Variants in FBXL17 observed in about 807,000 individuals in gnomAD.
The protein encoded by FBXL17 is F-box/LRR-repeat protein 17.
A neutral mutation model predicts 66.2 loss-of-function variants in FBXL17; 22 were observed. That is an observed-to-expected ratio of 0.33 (90% CI 0.24 to 0.47). The LOEUF (loss-of-function observed/expected upper bound fraction) is 0.47. Among genes scored for constraint, FBXL17 ranks in the 20% least tolerant of loss-of-function variants. FBXL17 has a pLI of 1.00. For missense variants in FBXL17, 878 were observed against 948.2 expected (o/e 0.93, Z 0.97); for synonymous variants, 474 against 400.5 (o/e 1.18, Z -2.19).
intron 4 of FBXL17, among the ~76,000 whole-genome samples, chr5:108,230,770 G>T (rs1445250959): frequency 3.5e-5 from 5 of 144,250 alleles, no homozygotes; most frequent in Non-Finnish European, 7.5e-5. Flanking sequence ...AAGAATGATA[G>T]AATGGACTTT....
intron 5 of FBXL17, among the ~76,000 whole-genome samples, chr5:108,212,254 C>T (rs1754408629): frequency 6.6e-6 from 1 of 152,156 alleles, no homozygotes; most frequent in African/African-American, 2.4e-5. Context: ...AGGTTCTTAG[C>T]TTCCTTGCAT....
intron 6 of FBXL17, among the ~76,000 whole-genome samples, chr5:108,089,587 T>C (rs1195961793): frequency 6.6e-6 from 1 of 152,168 alleles, no homozygotes; most frequent in Non-Finnish European, 1.5e-5. Flanking sequence ...AATTATAGGC[T>C]TTCCTAGGAA....
At chr5:108,203,618 C>T (rs1753989695) in intron 5 of FBXL17, among the ~76,000 whole-genome samples, 2 of 152,094 alleles carry the variant, frequency 1.3e-5, no homozygotes, top group South Asian at 4.1e-4. Context: ...ATATTTTTTA[C>T]ATCTCAGAAT....
intron 4 of FBXL17, among the ~76,000 whole-genome samples, chr5:108,246,855 G>T (rs1756121335): frequency 6.6e-6 from 1 of 152,128 alleles, no homozygotes; most frequent in South Asian, 2.1e-4. Context: ...ATCAAGAAAA[G>T]CATATATTTG....
In FBXL17 at chr5:108,264,363, G is replaced by A. The variant is rs886736132; in HGVS notation, c.1507-40135C>T. Among the ~76,000 whole-genome samples the A allele has an allele frequency of 2.0e-5, 3 of 151,924 alleles. No individual in the cohort carries two copies. The East Asian group carries it at 5.8e-4, about 29-fold the overall frequency. Reference sequence around the variant, plus strand: ...TAAGAGCACCCAAAACACTGAAAGAGTTAGGTGCTCTGTCCCAAGTGGTCA... The same window carrying A: ...TAAGAGCACCCAAAACACTGAAAGAATTAGGTGCTCTGTCCCAAGTGGTCA... On this transcript the variant is annotated intron_variant, in intron 4 of 8. Coordinates refer to ENST00000542267, the MANE Select transcript of FBXL17 (RefSeq NM_001163315.3).
At chr5:107,968,822 A>T (rs17165768) in intron 7 of FBXL17, among the ~76,000 whole-genome samples, 2 of 151,904 alleles carry the variant, frequency 1.3e-5, no homozygotes, top group Non-Finnish European at 2.9e-5. Flanking sequence ...AATTCTGATA[A>T]GCTAGTTTTT....
intron 4 of FBXL17, among the ~76,000 whole-genome samples, chr5:108,282,293 A>G (rs1489866082): frequency 6.6e-6 from 1 of 151,748 alleles, no homozygotes; most frequent in Non-Finnish European, 1.5e-5. Flanking sequence ...ACCAAATCCA[A>G]CTGAACATCC....
chr5:107,886,863 T>C (rs1223684279), intron 7 of FBXL17, among the ~76,000 whole-genome samples: 1 of 151,480 alleles, frequency 6.6e-6, no homozygotes, highest in East Asian at 1.9e-4. Flanking sequence ...GTGAAAAACA[T>C]TCTACAAATT....
At chr5:108,176,793 A>G (rs566093480) in intron 6 of FBXL17, among the ~76,000 whole-genome samples, 9 of 152,184 alleles carry the variant, frequency 5.9e-5, no homozygotes, top group South Asian at 2.1e-4. Flanking sequence ...ATTTAATACT[A>G]CTACCTACCA....
intron 7 of FBXL17, among the ~76,000 whole-genome samples, chr5:107,927,949 T>C (rs1001148899): frequency 3.3e-5 from 5 of 152,040 alleles, no homozygotes; most frequent in East Asian, 1.9e-4. Context: ...ATACCAAATA[T>C]CCAAATATTT....
intron 7 of FBXL17, among the ~76,000 whole-genome samples, chr5:107,884,929 A>G (rs925940047): frequency 1.3e-5 from 2 of 152,212 alleles, no homozygotes; most frequent in African/African-American, 4.8e-5. Context: ...AAGACTTGAA[A>G]GAATTTCGAA....
At chr5:108,003,239 G>A (rs115093269) in intron 7 of FBXL17, among the ~76,000 whole-genome samples, 217 of 152,290 alleles carry the variant, frequency 1.4e-3, no homozygotes, top group Admixed American at 2.9e-3. Flanking sequence ...TGAATATGGA[G>A]TGTGAGTTAC....
At chr5:108,111,074 C>A (rs1750014994) in intron 6 of FBXL17, among the ~76,000 whole-genome samples, 1 of 152,040 alleles carries the variant, frequency 6.6e-6, no homozygotes, top group African/African-American at 2.4e-5. Context: ...AGCTGAGCAG[C>A]AAAAACTGCT....
chr5:107,899,659 A>G (rs554688518), intron 7 of FBXL17, among the ~76,000 whole-genome samples: 1 of 152,296 alleles, frequency 6.6e-6, no homozygotes, highest in East Asian at 1.9e-4. Flanking sequence ...GCCCCTACAC[A>G]TTGTTCAAAG....
intron 7 of FBXL17, among the ~76,000 whole-genome samples, chr5:107,974,072 T>C (rs2112656018): frequency 6.6e-6 from 1 of 152,320 alleles, no homozygotes; most frequent in East Asian, 1.9e-4. Flanking sequence ...AGTAAAATTA[T>C]AACCAAGGTT....
At chr5:108,135,257 C>T (rs1407216727) in intron 6 of FBXL17, among the ~76,000 whole-genome samples, 1 of 152,036 alleles carries the variant, frequency 6.6e-6, no homozygotes. Context: ...GGGGCTAAGA[C>T]CCACAAAACA....
intron 6 of FBXL17, among the ~76,000 whole-genome samples, chr5:108,170,593 G>A (rs1173274871): frequency 6.6e-6 from 1 of 151,996 alleles, no homozygotes; most frequent in African/African-American, 2.4e-5. Flanking sequence ...GAGTGCAATG[G>A]TGCCATCTCA....
intron 6 of FBXL17, among the ~76,000 whole-genome samples, chr5:108,107,503 T>C (rs1001047021): frequency 1.4e-4 from 22 of 152,104 alleles, no homozygotes; most frequent in African/African-American, 5.3e-4. Flanking sequence ...ACAATTTCAC[T>C]TTGTTAGATT....
chr5:108,330,555 C>T (rs1368452651), intron 4 of FBXL17, among the ~76,000 whole-genome samples: 1 of 152,132 alleles, frequency 6.6e-6, no homozygotes, highest in East Asian at 1.9e-4. Context: ...AAAGAACACA[C>T]ACAAATCAAC....
Sources: allele counts gnomAD v4.1 joint callset (sites outside exome capture counted in the v4.1 genomes callset), GRCh38; gene constraint gnomAD v4.1.1; transcripts MANE v1.5; gene names NCBI Gene and HGNC (gene_info 2026-07-23, HGNC 2026-07-21).